The following INTS7 variants were observed in gnomAD, a reference collection of about 807,000 sequenced individuals.
The protein encoded by INTS7 is integrator complex subunit 7.
A neutral mutation model predicts 109.2 loss-of-function variants in INTS7; 46 were observed. The ratio of observed to expected loss-of-function variants is 0.42; its 90% CI spans 0.33 to 0.54. INTS7 has a LOEUF of 0.54. INTS7 is among the 20% of genes least tolerant of loss of function. The pLI, the probability that INTS7 is intolerant of heterozygous loss-of-function variation, is 0.07. For synonymous variants in INTS7, 412 were observed against 402.9 expected, an observed-to-expected ratio of 1.02 and a Z score of -0.27; for missense variants, 929 against 1,132.4, an observed-to-expected ratio of 0.82 and a Z score of 2.58.
chr1:212,023,996 C>A lies in INTS7; in HGVS notation c.95-2784G>T, dbSNP rs552022267. 1.0e-3 allele frequency among the ~76,000 whole-genome samples: 158 copies of A among 152,284 alleles called. 1 individual carries two copies. The highest frequency in any genetic ancestry group is 3.6e-3 in the African/African-American group (148 of 41,558). On this transcript the variant is annotated intron_variant, in intron 1 of 19. Transcript: ENST00000366994. ...TCCTTTTCCCATTGCTTATTTTTAT[C>A]GACTTTGTTGAAGATCAGATGGCTG...
chr1:211,965,791 G>A (rs1296570152), intron 16 of INTS7, among the ~76,000 whole-genome samples: 1 of 152,162 alleles, frequency 6.6e-6, no homozygotes, highest in Non-Finnish European at 1.5e-5. Context: ...GGGCCTACCT[G>A]AGGGTGGAAG....
intron 16 of INTS7, among the ~76,000 whole-genome samples, chr1:211,961,272 A>T (rs1011048997): frequency 1.3e-5 from 2 of 152,042 alleles, no homozygotes; most frequent in African/African-American, 2.4e-5. Flanking sequence ...TCCTCGAGAC[A>T]TATAATCATG....
At chr1:212,027,345 T>C (rs944730816) in intron 1 of INTS7, among the ~76,000 whole-genome samples, 4 of 152,194 alleles carry the variant, frequency 2.6e-5, no homozygotes, top group Admixed American at 2.0e-4. Flanking sequence ...TTTGTATTGC[T>C]TGCTACAGGA....
chr1:211,952,070 A>G (rs1159029608), intron 17 of INTS7, among the ~76,000 whole-genome samples: 1 of 152,190 alleles, frequency 6.6e-6, no homozygotes, highest in African/African-American at 2.4e-5. Context: ...TCAGCCAACA[A>G]GCCCTGTTCT....
At chr1:211,976,914 G>T (rs1664445689) in intron 11 of INTS7, among the ~76,000 whole-genome samples, 195 bp from the exon 12 acceptor site, 1 of 152,062 alleles carries the variant, frequency 6.6e-6, no homozygotes, top group South Asian at 2.1e-4. Context: ...CTTTATAACA[G>T]CAAAGAAGTA....
chr1:212,012,207 C>T (rs375235210), intron 4 of INTS7, among the ~76,000 whole-genome samples: 14 of 151,998 alleles, frequency 9.2e-5, no homozygotes, highest in African/African-American at 2.7e-4. Flanking sequence ...GTAACTCCTG[C>T]TTTGCCACCC....
At chr1:212,015,805 A>G (rs1666410543) in intron 4 of INTS7, among the ~76,000 whole-genome samples, 1 of 150,696 alleles carries the variant, frequency 6.6e-6, no homozygotes, top group Non-Finnish European at 1.5e-5. Flanking sequence ...GAACTTGCTC[A>G]TGCCAAGATA....
At chr1:212,022,599 A>C (rs1666756244) in intron 1 of INTS7, among the ~76,000 whole-genome samples, 1 of 152,230 alleles carries the variant, frequency 6.6e-6, no homozygotes, top group African/African-American at 2.4e-5. Flanking sequence ...ACCATTACAC[A>C]TTCACTAGAA....
chr1:212,020,402 A>T, intron 2 of INTS7, 134 bp from the exon 3 acceptor site: 1 of 627,728 alleles, frequency 1.6e-6, no homozygotes, highest in Non-Finnish European at 2.7e-6. Flanking sequence ...TTAACTACTA[A>T]AAGAGTTAAA....
chr1:212,009,656 C>T (rs143629296), intron 5 of INTS7, among the ~76,000 whole-genome samples: 2 of 152,282 alleles, frequency 1.3e-5, no homozygotes, highest in African/African-American at 4.8e-5. Context: ...TATAGTACAC[C>T]CTGACCATGC....
At chr1:211,953,114 CAGA>C (rs1422528419) in intron 16 of INTS7, among the ~76,000 whole-genome samples, 1 of 152,142 alleles carries the variant, frequency 6.6e-6, no homozygotes, top group African/African-American at 2.4e-5. Flanking sequence ...AGGAATGTCA[CAGA>C]AGAAGAGAGT....
At chr1:212,002,175 A>G (rs1665702047) in intron 7 of INTS7, among the ~76,000 whole-genome samples, 1 of 152,276 alleles carries the variant, frequency 6.6e-6, no homozygotes, top group African/African-American at 2.4e-5. Context: ...ACACTATACC[A>G]GGAAATCCAT....
chr1:212,019,301 G>C (rs567110113), intron 3 of INTS7, among the ~76,000 whole-genome samples: 1 of 152,152 alleles, frequency 6.6e-6, no homozygotes, highest in African/African-American at 2.4e-5. Flanking sequence ...GCTTTCAAAA[G>C]ATGAAAATCA....
intron 2 of INTS7, 57 bp from the exon 3 acceptor site, chr1:212,020,325 C>T (rs1282123302): frequency 1.0e-6 from 1 of 979,530 alleles, no homozygotes; most frequent in Admixed American, 2.7e-5. Context: ...AATTAGGAAC[C>T]AAAGCAACAC....
chr1:212,028,167 T>G, intron 1 of INTS7, among the ~76,000 whole-genome samples: 1 of 152,232 alleles, frequency 6.6e-6, no homozygotes, highest in East Asian at 1.9e-4. Flanking sequence ...ACTTGATAAC[T>G]TATTTAACTA....
At position 212,006,665 on chromosome 1, in the gene INTS7, G is replaced by A. The variant is rs746452169; in HGVS notation, c.853C>T (p.His285Tyr). 6.4e-7 allele frequency: 1 copy of A among 1,571,988 alleles called. No homozygotes were observed. Among genetic ancestry groups the A allele is most frequent in the African/African-American group, 1.4e-5 (1 of 73,944 alleles). ...DLKLLANKTP[H>Y]TWSRENIQAL... ...TGAATATTCTCCCTACTCCAAGTATGTGGTGTTTTATTAGCAAGTAATTTC... is the reference window on the plus strand; with the variant it reads ...TGAATATTCTCCCTACTCCAAGTATATGGTGTTTTATTAGCAAGTAATTTC... The change falls in exon 7 of 20, where the codon CAT becomes TAT. Residue 285 changes from histidine to tyrosine, a missense_variant. Coordinates refer to ENST00000366994, the MANE Select transcript of INTS7 (RefSeq NM_015434.4).
intron 4 of INTS7, among the ~76,000 whole-genome samples, chr1:212,014,059 A>C (rs938669186): frequency 7.2e-5 from 11 of 152,248 alleles, no homozygotes; most frequent in Admixed American, 7.2e-4. Flanking sequence ...GGTATTTCTG[A>C]TCATCAATTA....
chr1:211,978,267 T>C lies in INTS7; in HGVS notation c.1470+5A>G, dbSNP rs777449685. Reference sequence around the variant, plus strand: ...TTCAAAGGAGATTCAAAATGGGCTTTTTACCAGAAGTTCTTGTTGCTTGTC... The same window carrying C: ...TTCAAAGGAGATTCAAAATGGGCTTCTTACCAGAAGTTCTTGTTGCTTGTC... On this transcript the variant is annotated splice_donor_5th_base_variant and intron_variant, in intron 11 of 19. Transcript: ENST00000366994. 3 of 1,613,984 alleles carry C rather than the reference T, an allele frequency of 1.9e-6. No individual in the cohort carries two copies. The highest frequency in any genetic ancestry group is 1.3e-5 in the African/African-American group (1 of 75,048).
chr1:212,015,482 T>A lies in INTS7; in HGVS notation c.509+1404A>T, dbSNP rs747453432. ...TGGATTAAGGGCGGTGCAAGATGTG[T>A]TTTGTTAAACAGATGCTTGAAGGCA... On this transcript the variant is annotated intron_variant, in intron 4 of 19. Coordinates refer to ENST00000366994, the MANE Select transcript of INTS7 (RefSeq NM_015434.4). 4.0e-5 allele frequency among the ~76,000 whole-genome samples: 6 copies of A among 151,744 alleles called. No individual in the cohort carries two copies. In the South Asian group the frequency reaches 1.0e-3, roughly 26 times the overall value.
Sources: allele counts gnomAD v4.1 joint callset (sites outside exome capture counted in the v4.1 genomes callset), GRCh38; gene constraint gnomAD v4.1.1; transcripts MANE v1.5; gene names NCBI Gene and HGNC (gene_info 2026-07-23, HGNC 2026-07-21).